The following ZNF536 variants were observed in gnomAD, a reference collection of about 807,000 sequenced individuals.
ZNF536 encodes zinc finger protein 536.
In ZNF536, 13 loss-of-function variants were observed where a neutral mutation model predicts 84.5. The observed-to-expected ratio is 0.15, with a 90% CI of 0.10 to 0.24. The LOEUF is 0.24. ZNF536 is among the 10% of genes least tolerant of loss of function. The probability of loss-of-function intolerance (pLI) is 1.00; values close to 1 mark genes in which losing one functional copy is unlikely to be tolerated. For missense variants in ZNF536, 1,536 were observed against 1,747.5 expected, an observed-to-expected ratio of 0.88 and a Z score of 2.16; for synonymous variants, 811 against 742.5, an observed-to-expected ratio of 1.09 and a Z score of -1.50.
rs144604159 is a variant in ZNF536, at chr19:30,309,688, C to A, written c.-120+25547C>A. ...GTAAGAACACATTATTTATGTGAGACCTCCTCATGACAAAGTACAATAGTG... is the reference window on the plus strand; with the variant it reads ...GTAAGAACACATTATTTATGTGAGAACTCCTCATGACAAAGTACAATAGTG... On this transcript the variant is annotated intron_variant, in intron 2 of 5. Coordinates refer to the ZNF536 transcript ENST00000585628. Among the ~76,000 whole-genome samples, 293 of 152,280 alleles carry A rather than the reference C, an allele frequency of 1.9e-3. 2 individuals carry two copies. The highest frequency in any genetic ancestry group is 4.9e-3 in the African/African-American group (203 of 41,546).
intron 3 of ZNF536, among the ~76,000 whole-genome samples, chr19:30,545,359 T>G (rs1362374757): frequency 6.9e-6 from 1 of 144,646 alleles, no homozygotes; most frequent in African/African-American, 2.7e-5. Flanking sequence ...CACAATACAG[T>G]TTAAGTACTA....
At chr19:30,688,512 T>G (rs2051284776) in intron 1 of ZNF536, among the ~76,000 whole-genome samples, 2 of 152,228 alleles carry the variant, frequency 1.3e-5, no homozygotes, top group South Asian at 2.1e-4. Flanking sequence ...TTATAGAATA[T>G]TCTTAATACA....
chr19:30,630,230 C>T (rs1456090671), intron 1 of ZNF536, among the ~76,000 whole-genome samples: 1 of 152,190 alleles, frequency 6.6e-6, no homozygotes, highest in Non-Finnish European at 1.5e-5. Flanking sequence ...TTCATTTATT[C>T]ATTGAACAAT....
chr19:30,575,789 G>A (rs2046710498), intron 1 of ZNF536, among the ~76,000 whole-genome samples: 1 of 152,212 alleles, frequency 6.6e-6, no homozygotes, highest in Non-Finnish European at 1.5e-5. Flanking sequence ...GGATTTGAAG[G>A]AAGCCAGTGC....
intron 1 of ZNF536, among the ~76,000 whole-genome samples, chr19:30,647,574 C>T (rs1371985164): frequency 6.6e-6 from 1 of 152,218 alleles, no homozygotes; most frequent in East Asian, 1.9e-4. Flanking sequence ...CTTTCGTCTT[C>T]CCTTTATGGA....
chr19:30,554,340 T>G (rs533006840), intron 4 of ZNF536: 1 of 144,260 alleles, frequency 6.9e-6, no homozygotes, highest in African/African-American at 2.6e-5. Context: ...TCACGGCAAC[T>G]TCCGTCTCCT....
chr19:30,313,397 G>A (rs1242477032), intron 2 of ZNF536, among the ~76,000 whole-genome samples: 1 of 152,138 alleles, frequency 6.6e-6, no homozygotes, highest in African/African-American at 2.4e-5. Flanking sequence ...TAGGTCCCCT[G>A]CCTTGTCTCC....
intron 2 of ZNF536, among the ~76,000 whole-genome samples, chr19:30,452,714 C>A (rs1410162251): frequency 6.6e-6 from 1 of 152,098 alleles, no homozygotes; most frequent in Non-Finnish European, 1.5e-5. Flanking sequence ...TGGAGAAACA[C>A]CTGCAGAGAT....
chr19:30,233,955 C>T (rs1374747181), intron 1 of ZNF536, among the ~76,000 whole-genome samples: 4 of 152,158 alleles, frequency 2.6e-5, no homozygotes, highest in Admixed American at 1.3e-4. Context: ...TGACACCAGG[C>T]TTGGGGGCTG....
chr19:30,323,595 G>A (rs181418073), intron 2 of ZNF536, among the ~76,000 whole-genome samples: 318 of 152,288 alleles, frequency 2.1e-3, no homozygotes, highest in African/African-American at 7.3e-3. Context: ...GACTGGGGTT[G>A]CTTCATGATG....
At chr19:30,476,956 G>A (rs181337027) in intron 2 of ZNF536, among the ~76,000 whole-genome samples, 1 of 150,666 alleles carries the variant, frequency 6.6e-6, no homozygotes, top group Non-Finnish European at 1.5e-5. Context: ...ATACTTGCTG[G>A]GTTTTTTTTT....
At chr19:30,322,352 C>T (rs2046885831) in intron 2 of ZNF536, among the ~76,000 whole-genome samples, 1 of 151,868 alleles carries the variant, frequency 6.6e-6, no homozygotes, top group South Asian at 2.1e-4. Context: ...ACAATTTTTC[C>T]CCCTCATTTT....
At chr19:30,275,654 C>T (rs1202172245) in intron 1 of ZNF536, among the ~76,000 whole-genome samples, 2 of 152,178 alleles carry the variant, frequency 1.3e-5, no homozygotes, top group Non-Finnish European at 2.9e-5. Flanking sequence ...AACTTTGGGG[C>T]TAGTGCCTCA....
rs111542807 is a variant in ZNF536, at chr19:30,399,983, C to G, written c.-3+27427C>G. 4.3e-3 allele frequency among the ~76,000 whole-genome samples: 650 copies of G among 152,318 alleles called. 6 individuals carry two copies. The highest frequency in any genetic ancestry group is 0.015 in the African/African-American group (605 of 41,572). On this transcript the variant is annotated intron_variant, in intron 1 of 4. Coordinates refer to ENST00000355537, the MANE Select transcript of ZNF536 (RefSeq NM_014717.3). Reference sequence around the variant, plus strand: ...GATTACAGGCGTGAGCCACCGCACCCAGCCTTGGCATTGGCTTTTTAAAAT... The same window carrying G: ...GATTACAGGCGTGAGCCACCGCACCGAGCCTTGGCATTGGCTTTTTAAAAT...
chr19:30,336,141 G>C (rs1341193041), intron 2 of ZNF536, among the ~76,000 whole-genome samples: 1 of 152,222 alleles, frequency 6.6e-6, no homozygotes, highest in African/African-American at 2.4e-5. Flanking sequence ...TATGTCCTAT[G>C]CTGGTTTAGG....
rs779299295 is a variant in ZNF536 at position 30,549,110 on chromosome 19, T to C, written c.3491T>C (p.Ile1164Thr). 2 of 1,614,056 alleles carry C rather than the reference T, an allele frequency of 1.2e-6. No individual in the cohort carries two copies. The highest frequency in any genetic ancestry group is 4.5e-5 in the East Asian group (2 of 44,868). ...SKNTTDDLSD[I>T]ASSEDMDSSK... ...AACACTACTGATGACCTCTCTGACATTGCCTCCTCAGAGGACATGGACTCC... is the reference window on the plus strand; with the variant it reads ...AACACTACTGATGACCTCTCTGACACTGCCTCCTCAGAGGACATGGACTCC... Residue 1164 changes from isoleucine to threonine, a missense_variant, in exon 4 of 5, where the codon ATT (isoleucine) becomes ACT (threonine). Coordinates refer to ENST00000355537, the MANE Select transcript of ZNF536 (RefSeq NM_014717.3).
intron 1 of ZNF536, among the ~76,000 whole-genome samples, chr19:30,239,345 G>A (rs543217828): frequency 6.6e-6 from 1 of 152,326 alleles, no homozygotes; most frequent in Non-Finnish European, 1.5e-5. Flanking sequence ...CTTATCCATG[G>A]TGGTGTGACT....
At chr19:30,379,578 G>T in intron 1 of ZNF536, among the ~76,000 whole-genome samples, 1 of 150,946 alleles carries the variant, frequency 6.6e-6, no homozygotes, top group Non-Finnish European at 1.5e-5. Flanking sequence ...GGGTGGAGAG[G>T]ATCATGGGTG....
chr19:30,618,954 A>G (rs1253925521), intron 1 of ZNF536, among the ~76,000 whole-genome samples: 2 of 152,046 alleles, frequency 1.3e-5, no homozygotes, highest in Admixed American at 1.3e-4. Context: ...AGTTTTGTAT[A>G]AATTCTTTTT....
Sources: allele counts gnomAD v4.1 joint callset (sites outside exome capture counted in the v4.1 genomes callset), GRCh38; gene constraint gnomAD v4.1.1; transcripts MANE v1.5; gene names NCBI Gene and HGNC (gene_info 2026-07-23, HGNC 2026-07-21).